The following RIMS2 variants were observed in gnomAD, a reference collection of about 807,000 sequenced individuals.
RIMS2 encodes regulating synaptic membrane exocytosis 2.
In RIMS2, 59 loss-of-function variants were observed where a neutral mutation model predicts 174.4. The observed-to-expected ratio is 0.34, with a 90% CI of 0.27 to 0.42. RIMS2 has a LOEUF of 0.42. RIMS2 is among the 10% of genes least tolerant of loss of function. The probability of loss-of-function intolerance (pLI) is 1.00; values close to 1 mark genes in which losing one functional copy is unlikely to be tolerated. For missense variants in RIMS2, 1,620 were observed against 1,666.3 expected (o/e 0.97, Z 0.48); for synonymous variants, 606 against 572.5 (o/e 1.06, Z -0.84).
intron 1 of RIMS2, among the ~76,000 whole-genome samples, chr8:103,691,940 T>G (rs2097031190): frequency 6.6e-6 from 1 of 152,226 alleles, no homozygotes; most frequent in South Asian, 2.1e-4. Context: ...TGTTGCAGAC[T>G]CACAGAGGTA....
chr8:104,152,174 A>G (rs2098693916), intron 19 of RIMS2, among the ~76,000 whole-genome samples: 1 of 152,226 alleles, frequency 6.6e-6, no homozygotes, highest in Admixed American at 6.5e-5. Context: ...TGATGTTGGC[A>G]GATTTAAGAA....
At chr8:104,119,700 T>C (rs1208134551) in intron 19 of RIMS2, among the ~76,000 whole-genome samples, 2 of 152,174 alleles carry the variant, frequency 1.3e-5, no homozygotes, top group East Asian at 1.9e-4. Flanking sequence ...TATTGTCAAC[T>C]TCTACCCAAC....
chr8:103,596,575 ATTG>A (rs1329971628), intron 1 of RIMS2, among the ~76,000 whole-genome samples: 1 of 152,042 alleles, frequency 6.6e-6, no homozygotes, highest in African/African-American at 2.4e-5. Context: ...ACTATATGTT[ATTG>A]TTAACTATAG....
At chr8:104,164,439 TAC>T (rs1428028339) in intron 19 of RIMS2, among the ~76,000 whole-genome samples, 1 of 152,202 alleles carries the variant, frequency 6.6e-6, no homozygotes, top group Non-Finnish European at 1.5e-5. Flanking sequence ...AAATGTTTTT[TAC>T]ACAAGTGAAA....
intron 19 of RIMS2, among the ~76,000 whole-genome samples, chr8:104,208,675 A>G (rs1301810440): frequency 6.6e-6 from 1 of 152,222 alleles, no homozygotes; most frequent in Non-Finnish European, 1.5e-5. Context: ...TTTTAGAGTA[A>G]ATAGCAGGAA....
In RIMS2 at chr8:103,876,864, TTATATATATATATA is replaced by T. The variant is rs199997824; in HGVS notation, c.699-8401_699-8388del. Among the ~76,000 whole-genome samples, 603 of 68,096 alleles carry T rather than the reference TTATATATATATATA, an allele frequency of 8.9e-3. 12 individuals carry two copies. The highest frequency in any genetic ancestry group is 0.021 in the African/African-American group (461 of 21,490). The allele number at this position is 68,096 out of a possible 152,430, so 44.7% of individuals were successfully genotyped here. On this transcript the variant is annotated intron_variant, in intron 3 of 23. Coordinates refer to ENST00000504942, the Ensembl canonical transcript of RIMS2. The stretch of plus-strand genomic sequence containing the variant: ...TGTATATATACACACACACACTATT[TTATATATATATATA>T]TATATATATATATATATATATATAT...
chr8:103,816,003 C>T (rs769698183), intron 3 of RIMS2, among the ~76,000 whole-genome samples: 3 of 152,214 alleles, frequency 2.0e-5, no homozygotes, highest in Non-Finnish European at 2.9e-5. Flanking sequence ...CCAGGCTGCC[C>T]GATGCCAAAT....
chr8:104,148,840 G>A (rs2098666344), intron 19 of RIMS2: 1 of 1,596,998 alleles, frequency 6.3e-7, no homozygotes, highest in African/African-American at 1.3e-5. Flanking sequence ...TCTCAGCTCA[G>A]CCAAACGGGT....
intron 3 of RIMS2, among the ~76,000 whole-genome samples, chr8:103,859,988 G>C (rs1362573196): frequency 6.6e-6 from 1 of 152,100 alleles, no homozygotes. Context: ...CTGTGTGCCA[G>C]AAGGGGAGGA....
At chr8:104,120,744 G>A (rs2098360597) in intron 19 of RIMS2, among the ~76,000 whole-genome samples, 2 of 152,038 alleles carry the variant, frequency 1.3e-5, no homozygotes, top group Non-Finnish European at 2.9e-5. Flanking sequence ...ATACAAAGAA[G>A]AGGATAAAAA....
chr8:103,579,500 T>C (rs573805347), intron 1 of RIMS2, among the ~76,000 whole-genome samples: 3 of 152,302 alleles, frequency 2.0e-5, no homozygotes, highest in East Asian at 1.9e-4. Flanking sequence ...ATCATAGTTA[T>C]AGCTACCTTT....
At chr8:104,254,610 A>T (rs377424357), downstream of RIMS2, 25 of 152,266 alleles carry the variant, frequency 1.6e-4, no homozygotes, top group East Asian at 4.6e-3. Context: ...ACGCCAAAGG[A>T]TTTCTGCTCA....
At chr8:104,037,943 T>C (rs1406360445) in intron 19 of RIMS2, among the ~76,000 whole-genome samples, 1 of 152,114 alleles carries the variant, frequency 6.6e-6, no homozygotes, top group Non-Finnish European at 1.5e-5. Context: ...ATATACAAAA[T>C]ACAATTGTGT....
intron 15 of RIMS2, among the ~76,000 whole-genome samples, chr8:103,967,521 C>A (rs1418479254): frequency 1.3e-5 from 2 of 150,262 alleles, no homozygotes; most frequent in Non-Finnish European, 3.0e-5. Context: ...GAGACAGGGT[C>A]TGGCTCTGTC....
At chr8:104,021,256 A>T (rs1000342426) in intron 19 of RIMS2, among the ~76,000 whole-genome samples, 1 of 152,140 alleles carries the variant, frequency 6.6e-6, no homozygotes, top group African/African-American at 2.4e-5. Context: ...TTATTCTTTA[A>T]TGCACATTCT....
At chr8:104,065,865 G>T (rs1401974119) in intron 19 of RIMS2, among the ~76,000 whole-genome samples, 2 of 152,118 alleles carry the variant, frequency 1.3e-5, no homozygotes, top group Non-Finnish European at 2.9e-5. Context: ...TATTTAAATG[G>T]TTAGAAAGCT....
At chr8:103,624,239 C>T (rs1029686717) in intron 1 of RIMS2, among the ~76,000 whole-genome samples, 5 of 152,252 alleles carry the variant, frequency 3.3e-5, no homozygotes, top group African/African-American at 1.2e-4. Context: ...ATTGCCCTGC[C>T]AATGTGTGTT....
chr8:103,724,338 T>C (rs1591134142), intron 2 of RIMS2, among the ~76,000 whole-genome samples: 1 of 152,316 alleles, frequency 6.6e-6, no homozygotes, highest in East Asian at 1.9e-4. Flanking sequence ...ATTTCTCTTA[T>C]TGTGTACTAT....
At chr8:103,565,219 ACT>A (rs1235090559) in intron 1 of RIMS2, among the ~76,000 whole-genome samples, 1 of 152,098 alleles carries the variant, frequency 6.6e-6, no homozygotes, top group Non-Finnish European at 1.5e-5. Context: ...CCGTACAGCA[ACT>A]CTCTTTAGCT....
Sources: gnomAD v4.1 joint callset for allele counts (sites outside exome capture counted in the v4.1 genomes callset) on GRCh38, gnomAD v4.1.1 for gene constraint, MANE v1.5 for transcripts, NCBI Gene and HGNC (gene_info 2026-07-23, HGNC 2026-07-21) for gene names.